The following CD163L1 variants were observed in gnomAD, a reference collection of about 807,000 sequenced individuals.
The protein encoded by CD163L1 is scavenger receptor cysteine-rich type 1 protein M160.
In CD163L1, 124 loss-of-function variants were observed where a neutral mutation model predicts 165.4. That is an observed-to-expected ratio of 0.75 (90% CI 0.65 to 0.87). The LOEUF is 0.87. CD163L1 is among the 40% of genes least tolerant of loss of function. The probability of loss-of-function intolerance (pLI) is 0.00; values close to 1 mark genes in which losing one functional copy is unlikely to be tolerated. For synonymous variants in CD163L1, 585 were observed against 662.2 expected (o/e 0.88, Z 1.79); for missense variants, 1,525 against 1,799.9 (o/e 0.85, Z 2.76).
At chr12:7,424,515 G>T (rs112376856) in intron 4 of CD163L1, among the ~76,000 whole-genome samples, 1 of 152,038 alleles carries the variant, frequency 6.6e-6, no homozygotes, top group Non-Finnish European at 1.5e-5. Flanking sequence ...AGAAATAAAG[G>T]GTATTCAAAT....
intron 4 of CD163L1, among the ~76,000 whole-genome samples, chr12:7,430,404 TA>T (rs1311143411): frequency 1.3e-5 from 2 of 152,060 alleles, no homozygotes; most frequent in Admixed American, 6.6e-5. Flanking sequence ...ATTCCAAACA[TA>T]AAAAAATGAT....
rs932657038 is a variant in CD163L1, at chr12:7,439,232, CTTTTTT to C, written c.124+1916_124+1921del. On this transcript the variant is annotated intron_variant, in intron 2 of 19. Coordinates refer to ENST00000313599, the MANE Select transcript of CD163L1 (RefSeq NM_174941.6). ...TTCCACCTGGGATTCGACAAATTTT[CTTTTTT>C]TGTTTTTCTATTTTCTTTGGGATCT... 5.1e-6 allele frequency: 8 copies of C among 1,578,614 alleles called. 1 individual carries two copies. The highest frequency in any genetic ancestry group is 6.9e-6 in the Non-Finnish European group (8 of 1,162,806).
At chr12:7,394,392 G>A (rs1368086247) in intron 8 of CD163L1, among the ~76,000 whole-genome samples, 1 of 152,196 alleles carries the variant, frequency 6.6e-6, no homozygotes, top group Admixed American at 6.5e-5. Context: ...CTAGCCATAT[G>A]TAGAAAGCTG....
Position 7,433,386 on chromosome 12 carries a change from C to T in CD163L1, c.433G>A (p.Val145Met). Residue 145 changes from valine (V) to methionine (M), a missense_variant, in exon 3 of 20, where the codon GTG (valine) becomes ATG (methionine). Coordinates refer to ENST00000313599, the MANE Select transcript of CD163L1 (RefSeq NM_174941.6). Reference protein sequence around the residue: ...HNCYHGEDVGVNCYGEANLGL... With the variant: ...HNCYHGEDVGMNCYGEANLGL... Reference sequence around the variant, plus strand: ...GTTAGACTCTTACCATAACAGTTCACACCAACATCTTCTCCATGATAACAG... The same window carrying T: ...GTTAGACTCTTACCATAACAGTTCATACCAACATCTTCTCCATGATAACAG... 1 of 1,591,382 alleles carries T rather than the reference C, an allele frequency of 6.3e-7. No homozygotes were observed. Among genetic ancestry groups the T allele is most frequent in the Non-Finnish European group, 8.6e-7 (1 of 1,168,564 alleles).
intron 8 of CD163L1, among the ~76,000 whole-genome samples, chr12:7,391,900 A>G (rs867813368): frequency 2.6e-4 from 40 of 152,222 alleles, no homozygotes; most frequent in Non-Finnish European, 4.1e-4. Flanking sequence ...TGCACCCAAT[A>G]CAGGAGCACT....
chr12:7,380,338 T>C (rs1401242714), intron 8 of CD163L1, among the ~76,000 whole-genome samples: 1 of 147,610 alleles, frequency 6.8e-6, no homozygotes, highest in East Asian at 2.2e-4. Context: ...TGTATACACG[T>C]ATACATACAT....
At chr12:7,365,722 C>A (rs1354328990) in intron 18 of CD163L1, among the ~76,000 whole-genome samples, 3 of 151,926 alleles carry the variant, frequency 2.0e-5, no homozygotes, top group African/African-American at 7.3e-5. Context: ...ATCATCATAC[C>A]TCAGGCAGAA....
At chr12:7,319,008 T>C in the CD163L1 span, among the ~76,000 whole-genome samples, 1 of 152,178 alleles carries the variant, frequency 6.6e-6, no homozygotes, top group Non-Finnish European at 1.5e-5. Context: ...TACATTACAT[T>C]TATTGTGTAC....
downstream of CD163L1, among the ~76,000 whole-genome samples, chr12:7,343,996 T>C (rs1192833382): frequency 6.6e-6 from 1 of 152,108 alleles, no homozygotes; most frequent in Non-Finnish European, 1.5e-5. Context: ...AACATTCCCA[T>C]TCCAAAGGGA....
chr12:7,442,506 T>TA (rs111255721), intron 1 of CD163L1, among the ~76,000 whole-genome samples: 11,555 of 152,188 alleles, frequency 0.076, 468 homozygotes, highest in African/African-American at 0.11. Flanking sequence ...TAGAGGAGAC[T>TA]TTATTATTAC....
In CD163L1 at chr12:7,418,861, A is replaced by G. The variant is rs750035677; in HGVS notation, c.767-12009T>C. On this transcript the variant is annotated intron_variant, in intron 4 of 19. Coordinates refer to ENST00000313599, the MANE Select transcript of CD163L1 (RefSeq NM_174941.6). Reference sequence around the variant, plus strand: ...AGAAACTCTGAACAGACCAATAGCAAGCAGTGATATTGAAATGGTAATTTT... The same window carrying G: ...AGAAACTCTGAACAGACCAATAGCAGGCAGTGATATTGAAATGGTAATTTT... Among the ~76,000 whole-genome samples the G allele has an allele frequency of 3.6e-3, 549 of 152,160 alleles. 1 individual carries two copies. The highest frequency in any genetic ancestry group is 0.012 in the African/African-American group (513 of 41,552).
chr12:7,384,727 T>C (rs1947481391), intron 8 of CD163L1, among the ~76,000 whole-genome samples: 1 of 151,920 alleles, frequency 6.6e-6, no homozygotes, highest in African/African-American at 2.4e-5. Flanking sequence ...AGATATAAGG[T>C]CTTTCCCAGA....
downstream of CD163L1, among the ~76,000 whole-genome samples, chr12:7,343,818 A>G (rs1434859424): frequency 6.6e-6 from 1 of 152,200 alleles, no homozygotes. Flanking sequence ...AGATTTGCTC[A>G]TGCCCTCCCA....
the CD163L1 span, chr12:7,323,428 T>A: frequency 6.2e-7 from 1 of 1,610,164 alleles, no homozygotes; most frequent in Non-Finnish European, 8.5e-7. Context: ...AAAGAAAATT[T>A]TAAGACCATC....
Position 7,406,841 on chromosome 12 carries a change from G to C in CD163L1, c.778C>G (p.Leu260Val), listed in dbSNP as rs368510367. ...VTLTCYDSSD[L>V]ELRLVGGTNR... ...GTTCCACCTACAAGCCTTAGTTCAA[G>C]ATCACTACTATCTGAAACAGAGATA... is the stretch of plus-strand genomic sequence containing the variant. Residue 260 changes from leucine (L) to valine (V), a missense_variant, in exon 5 of 20, where the codon CTT becomes GTT. Leu to Val is a conservative substitution (Grantham distance 32). Transcript: ENST00000313599. 1.2e-6 allele frequency: 2 copies of C among 1,613,842 alleles called. No homozygotes were observed. The highest frequency in any genetic ancestry group is 2.2e-5 in the South Asian group (2 of 91,030).
chr12:7,340,343 T>G, the CD163L1 span, among the ~76,000 whole-genome samples: 2 of 152,200 alleles, frequency 1.3e-5, no homozygotes, highest in East Asian at 3.8e-4. Flanking sequence ...TACCACATTT[T>G]TGGGTTGTCG....
intron 4 of CD163L1, among the ~76,000 whole-genome samples, chr12:7,407,090 A>G (rs924073554): frequency 9.2e-5 from 14 of 152,318 alleles, no homozygotes; most frequent in Non-Finnish European, 1.5e-4. Context: ...ATAAAGCACA[A>G]CAGAGAGTAG....
chr12:7,325,019 T>C, the CD163L1 span, among the ~76,000 whole-genome samples: 1 of 152,192 alleles, frequency 6.6e-6, no homozygotes, highest in Non-Finnish European at 1.5e-5. Context: ...GTATACACCT[T>C]AGCAACCCTC....
At chr12:7,421,400 ATATCTTCCAAATG>A (rs1565809699) in intron 4 of CD163L1, among the ~76,000 whole-genome samples, 2 of 74,396 alleles carry the variant, frequency 2.7e-5, no homozygotes, top group African/African-American at 1.4e-4. Context: ...ATATGTATAT[ATATCTTCCAAATG>A]TATATATACA....
Sources: gnomAD v4.1 joint callset for allele counts (sites outside exome capture counted in the v4.1 genomes callset) on GRCh38, gnomAD v4.1.1 for gene constraint, MANE v1.5 for transcripts, NCBI Gene and HGNC (gene_info 2026-07-23, HGNC 2026-07-21) for gene names.